Variants in MMGT1 observed in about 807,000 individuals in gnomAD.
MMGT1 encodes ER membrane protein complex subunit 5.
In MMGT1, 2 loss-of-function variants were observed where a neutral mutation model predicts 11.7. The observed-to-expected ratio is 0.17, with a 90% CI of 0.07 to 0.54. MMGT1 has a LOEUF of 0.54. MMGT1 is among the 20% of genes least tolerant of loss of function. The pLI is 0.94. For synonymous variants in MMGT1, 49 were observed against 44.4 expected (o/e 1.10, Z -0.41); for missense variants, 74 against 109.0 (o/e 0.68, Z 1.43).
chrX:135,966,321 C>T (rs950337663), intron 3 of MMGT1, among the ~76,000 whole-genome samples: 6 of 112,385 alleles, frequency 5.3e-5, no homozygotes, highest in African/African-American at 9.7e-5. Flanking sequence ...GGGTGGGGCA[C>T]GTTGGCTCAC....
At chrX:135,972,587 T>G (rs2089225630) in intron 1 of MMGT1, among the ~76,000 whole-genome samples, 1 of 112,119 alleles carries the variant, frequency 8.9e-6, no homozygotes, top group South Asian at 3.7e-4. Flanking sequence ...TTCAGTGAAC[T>G]CCAAAGGCCC....
At chrX:135,965,956 T>C (rs2089182738) in intron 3 of MMGT1, among the ~76,000 whole-genome samples, 1 of 112,132 alleles carries the variant, frequency 8.9e-6, no homozygotes, top group Non-Finnish European at 1.9e-5. Context: ...TTTGGCCCTC[T>C]GTACCTGCTA....
At chrX:135,968,776 T>A (rs1346403672) in intron 2 of MMGT1, among the ~76,000 whole-genome samples, 2 of 111,316 alleles carry the variant, frequency 1.8e-5, no homozygotes, top group Non-Finnish European at 3.8e-5. Context: ...GTGATCCGCC[T>A]GCCTCAGCCT....
chrX:135,967,538 T>C (rs782542889), intron 2 of MMGT1, 45 bp from the exon 3 acceptor site: 1 of 764,256 alleles, frequency 1.3e-6, no homozygotes, highest in Admixed American at 3.2e-5. Flanking sequence ...CAAACATTAT[T>C]ATAAATATTT....
chrX:135,966,723 A>C (rs1556611994), intron 3 of MMGT1, among the ~76,000 whole-genome samples: 1 of 112,353 alleles, frequency 8.9e-6, no homozygotes, highest in African/African-American at 3.2e-5. Context: ...CATCATGTCC[A>C]GGATCAAGAA....
Position 135,973,886 on chromosome X carries a change from G to C in MMGT1, c.-211C>G. 1 of 1,152,266 alleles carries C rather than the reference G, an allele frequency of 8.7e-7. No individual in the cohort carries two copies. Among genetic ancestry groups the C allele is most frequent in the Non-Finnish European group, 1.2e-6 (1 of 866,431 alleles). 95.0% of individuals were successfully genotyped at this position (1,152,266 alleles called of 1,213,427 possible). A position where few individuals can be genotyped will look rare whatever the true frequency, so the allele number is the denominator to read the frequency against. ...GAAAGCTACACGGAAAAAGGTCCGC[G>C]AGAACCCACGAACCTGCGCTATGGA... On this transcript the variant is annotated 5_prime_UTR_variant, in exon 1 of 4. Coordinates refer to ENST00000305963, the MANE Select transcript of MMGT1 (RefSeq NM_173470.3).
In MMGT1 at chrX:135,973,663, G is replaced by T; in HGVS notation, c.13C>A (p.Leu5Met). Residue 5 changes from leucine to methionine, a missense_variant, in exon 1 of 4, where the codon CTG becomes ATG. By Grantham distance (15) the Leu-to-Met change is conservative. Around this residue, in one of 2 missense-constraint regions of MMGT1, gnomAD observed 40 missense variants for 79.6 expected, o/e 0.50. Coordinates refer to ENST00000305963, the MANE Select transcript of MMGT1 (RefSeq NM_173470.3). Reference protein sequence around the residue: MAPSLWKGLVGIGLF... With the variant: MAPSMWKGLVGIGLF... ...CCGATGCCCACCAGCCCCTTCCACAGCGACGGCGCCATGATGCCGAAGGAG... is the reference window on the plus strand; with the variant it reads ...CCGATGCCCACCAGCCCCTTCCACATCGACGGCGCCATGATGCCGAAGGAG... 1 of 1,167,519 alleles carries T rather than the reference G, an allele frequency of 8.6e-7. No individual in the cohort carries two copies. Among genetic ancestry groups the T allele is most frequent in the Non-Finnish European group, 1.1e-6 (1 of 873,069 alleles).
At chrX:135,968,548 T>C (rs1470295998) in intron 2 of MMGT1, among the ~76,000 whole-genome samples, 3 of 102,841 alleles carry the variant, frequency 2.9e-5, no homozygotes, top group Admixed American at 1.1e-4. Context: ...TTTTCTTTTT[T>C]TGAGATGGAG....
In MMGT1 at chrX:135,960,932, T is replaced by C. The variant is rs782406618; in HGVS notation, c.*4092A>G. ...AACGCAAGATACCATTTATTCACTT[T>C]CACATGATCAGACTTCAAAAGTTTA... On this transcript the variant is annotated 3_prime_UTR_variant, in exon 4 of 4. Transcript: ENST00000305963. 8.9e-6 allele frequency among the ~76,000 whole-genome samples: 1 copy of C among 112,303 alleles called. No homozygotes were observed. The highest frequency in any genetic ancestry group is 3.2e-5 in the African/African-American group (1 of 30,973).
chrX:135,971,567 G>A (rs1312461487), intron 1 of MMGT1, among the ~76,000 whole-genome samples: 3 of 111,810 alleles, frequency 2.7e-5, no homozygotes, highest in Admixed American at 1.9e-4. Flanking sequence ...TCACTAACTC[G>A]CCAAAGAAAT....
intron 1 of MMGT1, among the ~76,000 whole-genome samples, chrX:135,972,415 C>A (rs1229921582): frequency 8.9e-6 from 1 of 112,306 alleles, no homozygotes; most frequent in African/African-American, 3.2e-5. Flanking sequence ...GTCATAAAGA[C>A]AAGTGTAAAA....
Position 135,973,803 on chromosome X carries a change from G to C in MMGT1, c.-128C>G. 6 of 1,165,039 alleles carry C rather than the reference G, an allele frequency of 5.2e-6. No homozygotes were observed. The highest frequency in any genetic ancestry group is 6.9e-6 in the Non-Finnish European group (6 of 872,269). ...GAAGTCCTGAGCGCAAAGTGTCTCA[G>C]TGGTGGAAAAGCCAGAGGGCTGTGA... On this transcript the variant is annotated 5_prime_UTR_variant, in exon 1 of 4. Transcript: ENST00000305963.
At chrX:135,969,483 C>T (rs2089205865) in intron 2 of MMGT1, among the ~76,000 whole-genome samples, 3 of 110,572 alleles carry the variant, frequency 2.7e-5, no homozygotes, top group Admixed American at 9.6e-5. Flanking sequence ...GGGATTAAGG[C>T]GCCCACCACC....
chrX:135,971,474 A>G (rs1040231255), intron 1 of MMGT1, among the ~76,000 whole-genome samples: 11 of 112,216 alleles, frequency 9.8e-5, no homozygotes, highest in Non-Finnish European at 1.7e-4. Flanking sequence ...GTGACAAGTG[A>G]GCAAGTATGA....
rs1430162088 is a variant in MMGT1, at chrX:135,961,615, T to G, written c.*3409A>C. Among the ~76,000 whole-genome samples, 1 of 111,787 alleles carries G rather than the reference T, an allele frequency of 8.9e-6. No homozygotes were observed. Among genetic ancestry groups the G allele is most frequent in the Non-Finnish European group, 1.9e-5 (1 of 53,116 alleles). ...TAGGTAGGTTTGAATACCGGTGGTG[T>G]TATTTTTCAAAATACTGTAGATAAG... On this transcript the variant is annotated 3_prime_UTR_variant, in exon 4 of 4. Coordinates refer to ENST00000305963, the MANE Select transcript of MMGT1 (RefSeq NM_173470.3).
At chrX:135,967,316 A>G (rs2089191898) in intron 3 of MMGT1, 74 bp downstream of exon 3, 1 of 671,754 alleles carries the variant, frequency 1.5e-6, no homozygotes, top group African/African-American at 2.2e-5. Context: ...GTATCAGAAA[A>G]CATACTTTTT....
In MMGT1 at chrX:135,964,891, C is replaced by T. The variant is rs782591038; in HGVS notation, c.*133G>A. ...GGATTAACAGTATATAAACAAGGGC[C>T]ATGGTTTTTTTTACTAAAGTAGGTC... is the stretch of plus-strand genomic sequence containing the variant. On this transcript the variant is annotated 3_prime_UTR_variant, in exon 4 of 4. Transcript: ENST00000305963. The T allele has an allele frequency of 2.9e-4, 143 of 500,539 alleles. No individual in the cohort carries two copies. The highest frequency in any genetic ancestry group is 4.4e-4 in the Non-Finnish European group (132 of 301,654). 41.3% of individuals were successfully genotyped at this position (500,539 alleles called of 1,213,427 possible). A position where few individuals can be genotyped will look rare whatever the true frequency, so the allele number is the denominator to read the frequency against.
At position 135,973,929 on chromosome X, in the gene MMGT1, C is replaced by T; in HGVS notation, c.-254G>A. The T allele has an allele frequency of 8.9e-7, 1 of 1,127,474 alleles. No homozygotes were observed. Among genetic ancestry groups the T allele is most frequent in the Non-Finnish European group, 1.2e-6 (1 of 851,385 alleles). 92.9% of individuals were successfully genotyped at this position (1,127,474 alleles called of 1,213,427 possible). On this transcript the variant is annotated 5_prime_UTR_variant, in exon 1 of 4. Coordinates refer to ENST00000305963, the MANE Select transcript of MMGT1 (RefSeq NM_173470.3). ...GCTATGGAGGCCTCTCTAGGAGGGC[C>T]GGAGCCCAACGGAGTCATAAACGAA...
chrX:135,965,071 A>G lies in MMGT1; in HGVS notation c.349T>C (p.Ser117Pro), dbSNP rs782094234. Reference sequence around the variant, plus strand: ...TTTCGTAACTTCAATGATGTGTTAGAGGACAATGCATCTTGGTTTGAAGAA... The same window carrying G: ...TTTCGTAACTTCAATGATGTGTTAGGGGACAATGCATCTTGGTTTGAAGAA... The part of the protein sequence containing the change: ...ANSSNQDALS[S>P]NTSLKLRKLE... The change falls in exon 4 of 4, where the codon TCT (serine) becomes CCT (proline). Residue 117 changes from serine (S) to proline (P), a missense_variant. Ser to Pro is a moderately conservative substitution (Grantham distance 74). Coordinates refer to ENST00000305963, the MANE Select transcript of MMGT1 (RefSeq NM_173470.3). 12 of 1,207,935 alleles carry G rather than the reference A, an allele frequency of 9.9e-6. No homozygotes were observed. In the African/African-American group the frequency reaches 1.7e-4, roughly 18 times the overall value.
Sources: gnomAD v4.1 joint callset for allele counts (sites outside exome capture counted in the v4.1 genomes callset) on GRCh38, gnomAD v4.1.1 for gene constraint, gnomAD v4.1.1 regional missense constraint, MANE v1.5 for transcripts, NCBI Gene and HGNC (gene_info 2026-07-23, HGNC 2026-07-21) for gene names.